Variants in EXOC2 observed in about 807,000 individuals in gnomAD.
The protein encoded by EXOC2 is exocyst complex component 2, also known as SEC5-like 1.
A neutral mutation model predicts 131.8 loss-of-function variants in EXOC2; 70 were observed. That is an observed-to-expected ratio of 0.53 (90% CI 0.44 to 0.65). The LOEUF is 0.65. EXOC2 is among the 30% of genes least tolerant of loss of function. The probability of loss-of-function intolerance (pLI) is 0.00; values close to 1 mark genes in which losing one functional copy is unlikely to be tolerated. For missense variants in EXOC2, 923 were observed against 1,108.6 expected (o/e 0.83, Z 2.38); for synonymous variants, 411 against 398.4 (o/e 1.03, Z -0.38).
chr6:590,282 A>AT (rs1759468456), intron 11 of EXOC2, among the ~76,000 whole-genome samples: 1 of 152,324 alleles, frequency 6.6e-6, no homozygotes, highest in African/African-American at 2.4e-5. Flanking sequence ...ATTTGCTGTC[A>AT]TTTTCACTTG....
chr6:556,437 C>T (rs545608414), intron 18 of EXOC2, 47 bp downstream of exon 18: 1 of 1,592,412 alleles, frequency 6.3e-7, no homozygotes, highest in Non-Finnish European at 8.6e-7. Flanking sequence ...CTATGATTCC[C>T]AAGGCTCCCT....
intron 2 of EXOC2, among the ~76,000 whole-genome samples, chr6:636,215 C>G (rs916698574): frequency 3.9e-5 from 6 of 152,204 alleles, no homozygotes; most frequent in Non-Finnish European, 8.8e-5. Flanking sequence ...CTGGACGGAA[C>G]CCCCACCTGT....
intron 1 of EXOC2, chr6:656,586 G>T (rs1264773686): frequency 1.9e-6 from 3 of 1,593,562 alleles, no homozygotes; most frequent in Non-Finnish European, 8.5e-7. Context: ...GCCCAGGGAC[G>T]AGACCAGCTC....
intron 13 of EXOC2, among the ~76,000 whole-genome samples, chr6:569,246 C>G (rs1453788243): frequency 2.0e-5 from 3 of 152,172 alleles, no homozygotes; most frequent in Non-Finnish European, 4.4e-5. Context: ...GAGATCTTAA[C>G]CTACTATTAA....
At chr6:510,203 T>C (rs1026958442) in intron 23 of EXOC2, among the ~76,000 whole-genome samples, 5 of 152,210 alleles carry the variant, frequency 3.3e-5, no homozygotes, top group African/African-American at 1.2e-4. Context: ...TTGGACTAAC[T>C]AAAGAGTTTT....
chr6:656,820 C>G, intron 1 of EXOC2: 1 of 1,609,600 alleles, frequency 6.2e-7, no homozygotes. Context: ...ACCCGCGGGG[C>G]CGAAGCACAG....
intron 7 of EXOC2, among the ~76,000 whole-genome samples, chr6:599,950 AG>A (rs1409189486): frequency 2.0e-5 from 3 of 152,172 alleles, no homozygotes; most frequent in Admixed American, 6.5e-5. Flanking sequence ...GTACAAAAAC[AG>A]TTTAAATTTT....
At chr6:567,467 A>C (rs1322612048) in intron 13 of EXOC2, among the ~76,000 whole-genome samples, 1 of 152,206 alleles carries the variant, frequency 6.6e-6, no homozygotes, top group Non-Finnish European at 1.5e-5. Context: ...AGAATTTTTA[A>C]AATAATAATT....
chr6:560,373 A>G lies in EXOC2; in HGVS notation c.1851+2411T>C, dbSNP rs9504314. Among the ~76,000 whole-genome samples the G allele has an allele frequency of 2.6e-3, 395 of 152,372 alleles. 2 individuals carry two copies. The highest frequency in any genetic ancestry group is 9.1e-3 in the African/African-American group (379 of 41,588). The stretch of plus-strand genomic sequence containing the variant: ...GTGCAATAAGTTTTCCCTTCACACC[A>G]GTGCTGTCCGATAGGTGTATAATGT... On this transcript the variant is annotated intron_variant, in intron 17 of 27. Transcript: ENST00000230449.
chr6:642,237 T>G (rs1366376099), intron 1 of EXOC2, among the ~76,000 whole-genome samples: 1 of 152,266 alleles, frequency 6.6e-6, no homozygotes, highest in Non-Finnish European at 1.5e-5. Flanking sequence ...AAACTTCTAC[T>G]ACATAATGTT....
chr6:600,342 C>T (rs1429110537), intron 7 of EXOC2, among the ~76,000 whole-genome samples: 1 of 152,156 alleles, frequency 6.6e-6, no homozygotes, highest in Admixed American at 6.5e-5. Context: ...ATATTTCCTT[C>T]TTGCCACCAA....
chr6:549,095 G>T, intron 22 of EXOC2, 80 bp downstream of exon 22: 1 of 1,176,286 alleles, frequency 8.5e-7, no homozygotes, highest in Non-Finnish European at 1.3e-6. Context: ...GGCACTGCTA[G>T]CAGAACACAG....
In EXOC2 at chr6:557,511, G is replaced by A. The variant is rs527995091; in HGVS notation, c.1852-947C>T. 9.9e-5 allele frequency among the ~76,000 whole-genome samples: 15 copies of A among 151,750 alleles called. 1 individual carries two copies. Among genetic ancestry groups the A allele is most frequent in the Admixed American group, 3.9e-4 (6 of 15,250 alleles). On this transcript the variant is annotated intron_variant, in intron 17 of 27. Transcript: ENST00000230449. ...CACGCGCCTGTAGTCCCAGCTACTC[G>A]GGAGGCTGAGACAGGAGAATCGCTT...
At chr6:518,524 G>T (rs1765287833) in intron 23 of EXOC2, among the ~76,000 whole-genome samples, 1 of 152,192 alleles carries the variant, frequency 6.6e-6, no homozygotes, top group Non-Finnish European at 1.5e-5. Context: ...ATGCAATGAA[G>T]AAAATATGTA....
intron 4 of EXOC2, among the ~76,000 whole-genome samples, chr6:621,118 A>G (rs1029064977): frequency 6.6e-6 from 1 of 152,090 alleles, no homozygotes; most frequent in Admixed American, 6.5e-5. Context: ...ACAACTTCCA[A>G]TGGCCTGGAG....
intron 1 of EXOC2, among the ~76,000 whole-genome samples, chr6:645,114 T>C (rs1398161230): frequency 1.3e-5 from 2 of 152,046 alleles, no homozygotes; most frequent in Non-Finnish European, 2.9e-5. Context: ...GATAAACTAA[T>C]GGACGAATGA....
intron 7 of EXOC2, among the ~76,000 whole-genome samples, chr6:603,693 C>T (rs1247973059): frequency 6.6e-6 from 1 of 152,098 alleles, no homozygotes; most frequent in African/African-American, 2.4e-5. Flanking sequence ...CACATCCTGG[C>T]CCTTCTGGAT....
intron 1 of EXOC2, among the ~76,000 whole-genome samples, chr6:661,245 A>G (rs1402898506): frequency 6.6e-6 from 1 of 152,248 alleles, no homozygotes; most frequent in East Asian, 1.9e-4. Flanking sequence ...AAACTTCCCC[A>G]GCCCTGCTAG....
At chr6:567,524 T>C (rs1162275285) in intron 13 of EXOC2, among the ~76,000 whole-genome samples, 1 of 152,242 alleles carries the variant, frequency 6.6e-6, no homozygotes, top group Non-Finnish European at 1.5e-5. Context: ...AAGGTCATGC[T>C]TACTTTGGTG....
Sources: allele counts gnomAD v4.1 joint callset (sites outside exome capture counted in the v4.1 genomes callset), GRCh38; gene constraint gnomAD v4.1.1; transcripts MANE v1.5; gene names NCBI Gene and HGNC (gene_info 2026-07-23, HGNC 2026-07-21).